CATSPERT: variants seen among roughly 807,000 people sequenced by gnomAD.
The protein encoded by CATSPERT is catsper channel auxiliary subunit tau.
At chr2:201,577,858 GA>G in the CATSPERT span, among the ~76,000 whole-genome samples, 11 of 152,096 alleles carry the variant, frequency 7.2e-5, no homozygotes, top group Non-Finnish European at 1.5e-4. Flanking sequence ...GAATAAAATA[GA>G]TTTTCATCAT....
At chr2:201,535,119 G>A in the CATSPERT span, 3 of 979,110 alleles carry the variant, frequency 3.1e-6, no homozygotes, top group Admixed American at 1.2e-4. Context: ...AAACAAGAAT[G>A]TTATTTGACA....
chr2:201,537,942 T>C, the CATSPERT span, among the ~76,000 whole-genome samples: 6 of 151,898 alleles, frequency 4.0e-5, no homozygotes, highest in African/African-American at 1.4e-4. Context: ...AGAAAATAAA[T>C]AACTGAAGCA....
the CATSPERT span, among the ~76,000 whole-genome samples, chr2:201,566,064 C>T: frequency 6.6e-6 from 1 of 152,120 alleles, no homozygotes; most frequent in Non-Finnish European, 1.5e-5. Context: ...CTTGATTATC[C>T]TTACTACTAA....
chr2:201,497,804 A>G, the CATSPERT span, among the ~76,000 whole-genome samples: 1 of 152,234 alleles, frequency 6.6e-6, no homozygotes, highest in Non-Finnish European at 1.5e-5. Context: ...GAGCTTCAAG[A>G]TGGCAGACTG....
the CATSPERT span, among the ~76,000 whole-genome samples, chr2:201,558,445 C>T: frequency 6.6e-6 from 1 of 152,344 alleles, no homozygotes; most frequent in Admixed American, 6.5e-5. Context: ...TGGAGACACA[C>T]CTGCGGTGAC....
the CATSPERT span, among the ~76,000 whole-genome samples, chr2:201,617,256 C>G: frequency 2.0e-5 from 3 of 152,184 alleles, no homozygotes; most frequent in Non-Finnish European, 4.4e-5. Flanking sequence ...CCAAGACAAT[C>G]CTAAGCCAAA....
At chr2:201,574,394 CCT>C in the CATSPERT span, 1 of 736,018 alleles carries the variant, frequency 1.4e-6, no homozygotes, top group Non-Finnish European at 2.1e-6. Context: ...GTATGAATCT[CCT>C]GACTTTTAAA....
chr2:201,557,223 A>G, the CATSPERT span: 1 of 152,230 alleles, frequency 6.6e-6, no homozygotes, highest in African/African-American at 2.4e-5. Flanking sequence ...GATTTTTAAA[A>G]TATTTACTTA....
chr2:201,596,727 C>CA, the CATSPERT span, among the ~76,000 whole-genome samples: 7 of 152,160 alleles, frequency 4.6e-5, no homozygotes, highest in African/African-American at 1.2e-4. Context: ...TTTCAGTTCA[C>CA]AGATCCTTTC....
chr2:201,509,437 A>G, the CATSPERT span, among the ~76,000 whole-genome samples: 1 of 150,244 alleles, frequency 6.7e-6, no homozygotes, highest in Non-Finnish European at 1.5e-5. Context: ...TTACCTTTTT[A>G]CTCTATTGTT....
At chr2:201,584,281 C>A in the CATSPERT span, among the ~76,000 whole-genome samples, 1 of 151,848 alleles carries the variant, frequency 6.6e-6, no homozygotes, top group Non-Finnish European at 1.5e-5. Flanking sequence ...CAGAGGGAGA[C>A]CCTGTCTCAA....
chr2:201,533,387 C>T, the CATSPERT span, among the ~76,000 whole-genome samples: 1 of 152,176 alleles, frequency 6.6e-6, no homozygotes, highest in African/African-American at 2.4e-5. Flanking sequence ...AACATGAGGG[C>T]AAGGCCAAGA....
chr2:201,604,219 G>A, the CATSPERT span, among the ~76,000 whole-genome samples: 3 of 151,614 alleles, frequency 2.0e-5, no homozygotes, highest in South Asian at 4.2e-4. Context: ...TTTTTGGATC[G>A]GGGAGGGGCG....
At chr2:201,544,821 C>CAAAAAAAA in the CATSPERT span, among the ~76,000 whole-genome samples, 2 of 92,610 alleles carry the variant, frequency 2.2e-5, no homozygotes, top group Non-Finnish European at 4.4e-5. Context: ...CCTGTCTCTA[C>CAAAAAAAA]AAAAAAAAAA....
chr2:201,487,836 A>C, the CATSPERT span: 1 of 1,614,006 alleles, frequency 6.2e-7, no homozygotes, highest in South Asian at 1.1e-5. Flanking sequence ...CTTGATCTTG[A>C]TTTTACTTTT....
the CATSPERT span, among the ~76,000 whole-genome samples, chr2:201,510,573 G>A: frequency 6.6e-6 from 1 of 152,178 alleles, no homozygotes; most frequent in South Asian, 2.1e-4. Context: ...ATTGGGGCTG[G>A]GACAGGGGTG....
At chr2:201,579,949 T>C in the CATSPERT span, among the ~76,000 whole-genome samples, 1 of 151,572 alleles carries the variant, frequency 6.6e-6, no homozygotes, top group African/African-American at 2.4e-5. Context: ...ACTCCTGGGC[T>C]CAATCGACCC....
At chr2:201,496,633 G>A in the CATSPERT span, among the ~76,000 whole-genome samples, 2 of 152,198 alleles carry the variant, frequency 1.3e-5, no homozygotes, top group Non-Finnish European at 2.9e-5. Context: ...GTGAGCCACC[G>A]CGCCCGGCCA....
chr2:201,508,261 A>T, the CATSPERT span, among the ~76,000 whole-genome samples: 1 of 152,250 alleles, frequency 6.6e-6, no homozygotes, highest in Non-Finnish European at 1.5e-5. Flanking sequence ...ACAATATGAC[A>T]TAGTCAAAGG....
Sources: gnomAD v4.1 joint callset for allele counts (sites outside exome capture counted in the v4.1 genomes callset) on GRCh38, gnomAD v4.1.1 for gene constraint, MANE v1.5 for transcripts, NCBI Gene and HGNC (gene_info 2026-07-23, HGNC 2026-07-21) for gene names.